Variants in SCAMP4 observed in about 807,000 individuals in gnomAD.
The protein encoded by SCAMP4 is secretory carrier membrane protein 4, also known as secretory carrier-associated membrane protein 4.
Under a neutral mutation model 32.1 loss-of-function variants are expected in SCAMP4, and 19 were observed. That is an observed-to-expected ratio of 0.59 (90% CI 0.41 to 0.87). SCAMP4 has a LOEUF of 0.87. Ranked by LOEUF, SCAMP4 falls within the 40% of genes least tolerant of loss-of-function variation. The pLI, the probability that SCAMP4 is intolerant of heterozygous loss-of-function variation, is 0.00. For missense variants in SCAMP4, 302 were observed against 309.0 expected, an observed-to-expected ratio of 0.98 and a Z score of 0.17; for synonymous variants, 152 against 132.7, an observed-to-expected ratio of 1.15 and a Z score of -1.00.
chr19:1,917,791 C>G lies in SCAMP4; in HGVS notation c.105C>G (p.Val35=), dbSNP rs775265708. Residue 35 remains valine (V), a synonymous_variant, in exon 3 of 7, where the codon GTC becomes GTG. Coordinates refer to ENST00000316097, the MANE Select transcript of SCAMP4 (RefSeq NM_079834.4). ...ACGAGATCCCAGTGGAGCACCAGGT[C>G]CTGGTGAAGAGGATCTACCGGCTGT... ...FSDEIPVEHQ[V]LVKRIYRLWM... is the part of the protein sequence containing the mutation. The G allele has an allele frequency of 6.2e-7, 1 of 1,614,042 alleles. No homozygotes were observed. Among genetic ancestry groups the G allele is most frequent in the Admixed American group, 1.7e-5 (1 of 60,032 alleles).
At chr19:1,917,667 C>A in intron 2 of SCAMP4, 27 bp from the exon 3 acceptor site, 1 of 1,613,534 alleles carries the variant, frequency 6.2e-7, no homozygotes, top group Non-Finnish European at 8.5e-7. Context: ...AAGTCTGGTT[C>A]TGTCCGTGGG....
rs1327637994 is a variant in SCAMP4 at position 1,922,993 on chromosome 19, G to T, written c.396-77G>T. 8 of 1,435,796 alleles carry T rather than the reference G, an allele frequency of 5.6e-6. No homozygotes were observed. In the East Asian group the frequency reaches 2.1e-4, roughly 39 times the overall value. 88.9% of individuals were successfully genotyped at this position (1,435,796 alleles called of 1,614,324 possible). On this transcript the variant is annotated intron_variant, in intron 5 of 6. Transcript: ENST00000316097. ...TTGATTGGCCAGAGCTCTTTACATG[G>T]GGAGGACCATGGGCCGGACCATGGG... is the stretch of plus-strand genomic sequence containing the variant.
chr19:1,923,311 A>G (rs1183701628), intron 6 of SCAMP4, 124 bp downstream of exon 6: 4 of 778,510 alleles, frequency 5.1e-6, no homozygotes, highest in South Asian at 1.9e-5. Context: ...CGCAGGCCGC[A>G]CTTCATCCCC....
intron 1 of SCAMP4, chr19:1,912,711 C>T (rs1326571672): frequency 1.3e-5 from 20 of 1,509,136 alleles, no homozygotes; most frequent in East Asian, 2.7e-5. Context: ...GGCCTCGGAC[C>T]GCGTGCTGGC....
chr19:1,908,933 C>T lies in SCAMP4; in HGVS notation c.-42+3494C>T, dbSNP rs1366903918. 2.6e-5 allele frequency among the ~76,000 whole-genome samples: 4 copies of T among 152,006 alleles called. No homozygotes were observed. Among genetic ancestry groups the T allele is most frequent in the South Asian group, 2.1e-4 (1 of 4,826 alleles). On this transcript the variant is annotated intron_variant, in intron 1 of 6. Transcript: ENST00000316097. The surrounding 1 kb of genome is among the most constrained non-coding windows in gnomAD (Gnocchi z 4.2). ...CAGCCTGGCCAACATGGTGGAACCCCGTCTCTACTGAAAATACAAAAATTA... is the reference window on the plus strand; with the variant it reads ...CAGCCTGGCCAACATGGTGGAACCCTGTCTCTACTGAAAATACAAAAATTA...
chr19:1,920,767 C>A (rs2013893582), intron 5 of SCAMP4: 1 of 985,568 alleles, frequency 1.0e-6, no homozygotes, highest in African/African-American at 1.7e-5. Context: ...TGAGCCGCCT[C>A]CCCGGTGCGT....
intron 2 of SCAMP4, among the ~76,000 whole-genome samples, chr19:1,917,293 G>A (rs758602520): frequency 1.8e-4 from 28 of 152,066 alleles, no homozygotes; most frequent in Non-Finnish European, 3.8e-4. Context: ...GAGACAGCGC[G>A]AGACTCCGTC....
rs1393976384 is a variant in SCAMP4 at position 1,923,007 on chromosome 19, C to T, written c.396-63C>T. 5.5e-6 allele frequency: 8 copies of T among 1,465,600 alleles called. No individual in the cohort carries two copies. The East Asian group carries it at 2.1e-4, about 39-fold the overall frequency. The allele number at this position is 1,465,600 out of a possible 1,614,324, so 90.8% of individuals were successfully genotyped here. ...CTCTTTACATGGGGAGGACCATGGG[C>T]CGGACCATGGGCCCTCATCCAGCAG... On this transcript the variant is annotated intron_variant, in intron 5 of 6. Transcript: ENST00000316097.
chr19:1,924,059 C>CTCTTTTTTATATT (rs1401175313), intron 6 of SCAMP4, 49 bp from the exon 7 acceptor site: 1 of 1,540,638 alleles, frequency 6.5e-7, no homozygotes, highest in African/African-American at 1.4e-5. Context: ...CGTGCCCGGC[C>CTCTTTTTTATATT]GCCATGCTCA....
rs1042644698 is a variant in SCAMP4 at position 1,908,394 on chromosome 19, C to G, written c.-42+2955C>G. 2.4e-6 allele frequency: 1 copy of G among 419,336 alleles called. No homozygotes were observed. Among genetic ancestry groups the G allele is most frequent in the South Asian group, 1.7e-5 (1 of 57,298 alleles). 26.0% of individuals were successfully genotyped at this position (419,336 alleles called of 1,614,324 possible). A position where few individuals can be genotyped will look rare whatever the true frequency, so the allele number is the denominator to read the frequency against. On this transcript the variant is annotated intron_variant, in intron 1 of 6. Coordinates refer to ENST00000316097, the MANE Select transcript of SCAMP4 (RefSeq NM_079834.4). The surrounding 1 kb of genome is among the most constrained non-coding windows in gnomAD (Gnocchi z 4.2). ...CTGGTCCCCCATCTGTGGGGCGCCC[C>G]GGCGGCTGAGGCGTGGACCAGGCAG...
Position 1,908,362 on chromosome 19 carries a change from C to T in SCAMP4, c.-42+2923C>T, listed in dbSNP as rs1381558768. On this transcript the variant is annotated intron_variant, in intron 1 of 6. Coordinates refer to ENST00000316097, the MANE Select transcript of SCAMP4 (RefSeq NM_079834.4). This position sits in a 1 kb window ranked among gnomAD's most constrained non-coding sequence, Gnocchi z 4.2. ...CCAAGGCCACTGGCCTGGAGTTCCACTGGCTGCTGGTCCCCCATCTGTGGG... is the reference window on the plus strand; with the variant it reads ...CCAAGGCCACTGGCCTGGAGTTCCATTGGCTGCTGGTCCCCCATCTGTGGG... 2.6e-5 allele frequency: 10 copies of T among 389,506 alleles called. No homozygotes were observed. Among genetic ancestry groups the T allele is most frequent in the African/African-American group, 2.1e-4 (10 of 47,742 alleles). The allele number at this position is 389,506 out of a possible 1,614,324, so 24.1% of individuals were successfully genotyped here.
intron 3 of SCAMP4, 140 bp downstream of exon 3, chr19:1,917,962 C>G: frequency 7.3e-7 from 1 of 1,370,604 alleles, no homozygotes; most frequent in Non-Finnish European, 1.0e-6. Flanking sequence ...CTGCGGTGAA[C>G]GAGGCTGGTG....
intron 2 of SCAMP4, among the ~76,000 whole-genome samples, chr19:1,915,864 T>C (rs575029724): frequency 6.6e-6 from 1 of 150,562 alleles, no homozygotes; most frequent in African/African-American, 2.5e-5. Context: ...GAGAATGGTG[T>C]GAACCCGGGA....
intron 1 of SCAMP4, chr19:1,912,211 A>T: frequency 1.3e-6 from 2 of 1,591,728 alleles, no homozygotes; most frequent in Non-Finnish European, 1.7e-6. Context: ...CAGTCAGGGG[A>T]CGTGGAGCTG....
Position 1,918,298 on chromosome 19 carries a change from CG to C in SCAMP4, c.293+20del. 1.3e-6 allele frequency: 2 copies of C among 1,580,764 alleles called. No homozygotes were observed. The highest frequency in any genetic ancestry group is 2.3e-5 in the East Asian group (1 of 44,194). ...AAGGCCTTCCGGTGAGCAGAGCTGC[CG>C]GGGGCCGTCTGCACCCAGAGGGAAC... On this transcript the variant is annotated intron_variant, in intron 4 of 6. Coordinates refer to ENST00000316097, the MANE Select transcript of SCAMP4 (RefSeq NM_079834.4).
chr19:1,924,245 C>T lies in SCAMP4; in HGVS notation c.651C>T (p.Pro217=), dbSNP rs779165419. 67 of 1,604,220 alleles carry T rather than the reference C, an allele frequency of 4.2e-5. No individual in the cohort carries two copies. The highest frequency in any genetic ancestry group is 5.7e-5 in the Non-Finnish European group (67 of 1,175,832). The change falls in exon 7 of 7, where the codon CCC becomes CCT. Residue 217 remains proline (P), a synonymous_variant. Transcript: ENST00000316097. The part of the protein sequence containing the change: ...NFSGNSLPEY[P]TVPSYPGSGQ... ...CAGGCAACAGCCTGCCCGAGTACCC[C>T]ACTGTGCCCAGCTACCCGGGCAGTG...
In SCAMP4 at chr19:1,919,292, C is replaced by T. The variant is rs1332367123; in HGVS notation, c.395+302C>T. The T allele has an allele frequency of 7.3e-6, 9 of 1,230,540 alleles. 1 individual carries two copies. The Admixed American group carries it at 2.1e-4, about 29-fold the overall frequency. 76.2% of individuals were successfully genotyped at this position (1,230,540 alleles called of 1,614,324 possible). On this transcript the variant is annotated intron_variant, in intron 5 of 6. Coordinates refer to ENST00000316097, the MANE Select transcript of SCAMP4 (RefSeq NM_079834.4). The stretch of plus-strand genomic sequence containing the variant: ...GCTTGTCTCCTGAGTGTTGATCACA[C>T]CCCTGACCCGGGGTCTGGGAGCCAG...
At chr19:1,923,276 G>A in intron 6 of SCAMP4, 89 bp downstream of exon 6, 1 of 1,157,032 alleles carries the variant, frequency 8.6e-7, no homozygotes, top group Non-Finnish European at 1.2e-6. Context: ...ACGTCGAGGA[G>A]CCGGGCCCTC....
rs2013840991 is a variant in SCAMP4, at chr19:1,919,252, C to G, written c.395+262C>G. 1.5e-5 allele frequency: 20 copies of G among 1,329,130 alleles called. No individual in the cohort carries two copies. The South Asian group carries it at 3.1e-4, about 21-fold the overall frequency. The allele number at this position is 1,329,130 out of a possible 1,614,324, so 82.3% of individuals were successfully genotyped here. A position where few individuals can be genotyped will look rare whatever the true frequency, so the allele number is the denominator to read the frequency against. ...CGCCCTGGCAGTGCCTGCGTCCTCG[C>G]CAGCGCCCAGCCAGGCTTGTCTCCT... On this transcript the variant is annotated intron_variant, in intron 5 of 6. Transcript: ENST00000316097.
Sources: allele counts gnomAD v4.1 joint callset (sites outside exome capture counted in the v4.1 genomes callset), GRCh38; gene constraint gnomAD v4.1.1; non-coding constraint Gnocchi (gnomAD v3.1); transcripts MANE v1.5; gene names NCBI Gene and HGNC (gene_info 2026-07-23, HGNC 2026-07-21).